ZMIZ1: variants seen among roughly 807,000 people sequenced by gnomAD.
ZMIZ1 encodes the protein zinc finger MIZ-type containing 1.
Under a neutral mutation model 113.9 loss-of-function variants are expected in ZMIZ1, and 17 were observed. The observed-to-expected ratio is 0.15, with a 90% CI of 0.10 to 0.22. The LOEUF is 0.22. ZMIZ1 is among the 10% of genes least tolerant of loss of function. The probability of loss-of-function intolerance (pLI) is 1.00; values close to 1 mark genes in which losing one functional copy is unlikely to be tolerated. For synonymous variants in ZMIZ1, 607 were observed against 603.1 expected (o/e 1.01, Z -0.09); for missense variants, 1,059 against 1,477.8 (o/e 0.72, Z 4.65).
chr10:79,243,758 G>A (rs1396177065), intron 7 of ZMIZ1: 3 of 246,574 alleles, frequency 1.2e-5, no homozygotes, highest in East Asian at 1.8e-4. Context: ...GGGTCGGAGG[G>A]GTCGGCGCCT....
intron 4 of ZMIZ1, among the ~76,000 whole-genome samples, chr10:79,180,039 C>T (rs1847049132): frequency 6.6e-6 from 1 of 152,254 alleles, no homozygotes; most frequent in Admixed American, 6.5e-5. Flanking sequence ...TGTCCCCTTC[C>T]TGCAGGGTGC....
intron 7 of ZMIZ1, among the ~76,000 whole-genome samples, chr10:79,222,983 G>A (rs1213402117): frequency 6.6e-6 from 1 of 152,168 alleles, no homozygotes; most frequent in Non-Finnish European, 1.5e-5. Flanking sequence ...GCTCTCACCT[G>A]GCTGAATGGT....
At position 79,300,839 on chromosome 10, in the gene ZMIZ1, T is replaced by C. The variant is rs1328990993; in HGVS notation, c.1916T>C (p.Ile639Thr). The change falls in exon 17 of 25, where the codon ATT (isoleucine) becomes ACT (threonine). Residue 639 changes from isoleucine (I) to threonine (T), a missense_variant. Physicochemically the swap from Ile to Thr is moderately conservative, Grantham distance 89. Coordinates refer to ENST00000334512, the MANE Select transcript of ZMIZ1 (RefSeq NM_020338.4). ...QVSVNATPLT[I>T]ERGDNKTSHK... is the part of the protein sequence containing the mutation. Reference sequence around the variant, plus strand: ...AGCGTGAACGCCACGCCCCTCACCATTGAGCGCGGCGACAACAAGACCTCC... The same window carrying C: ...AGCGTGAACGCCACGCCCCTCACCACTGAGCGCGGCGACAACAAGACCTCC... 1.9e-6 allele frequency: 3 copies of C among 1,613,662 alleles called. No individual in the cohort carries two copies. Among genetic ancestry groups the C allele is most frequent in the African/African-American group, 1.3e-5 (1 of 74,894 alleles).
intron 7 of ZMIZ1, among the ~76,000 whole-genome samples, chr10:79,247,830 T>C (rs1026297455): frequency 2.3e-4 from 35 of 152,186 alleles, no homozygotes; most frequent in Non-Finnish European, 1.2e-4. Flanking sequence ...CCCAGATAAT[T>C]CTGATGCTAT....
At chr10:79,124,207 T>C (rs1243403194) in intron 2 of ZMIZ1, among the ~76,000 whole-genome samples, 1 of 152,226 alleles carries the variant, frequency 6.6e-6, no homozygotes. Context: ...GACAAGTTGC[T>C]GCCCCTCTCT....
At chr10:79,096,972 C>T in intron 1 of ZMIZ1, among the ~76,000 whole-genome samples, 1 of 152,198 alleles carries the variant, frequency 6.6e-6, no homozygotes. Flanking sequence ...AAAGAGAGCA[C>T]ACAGGCAGAG....
In ZMIZ1 at chr10:79,310,910, C is replaced by T. The variant is rs1412527552; in HGVS notation, c.2836-14C>T. 1 of 1,610,378 alleles carries T rather than the reference C, an allele frequency of 6.2e-7. No individual in the cohort carries two copies. Among genetic ancestry groups the T allele is most frequent in the Non-Finnish European group, 8.5e-7 (1 of 1,177,422 alleles). Reference sequence around the variant, plus strand: ...CCTCACCTCTCTTCTCTCCCGCTCTCTCCTCCTCCACAGATGCCACACGCT... The same window carrying T: ...CCTCACCTCTCTTCTCTCCCGCTCTTTCCTCCTCCACAGATGCCACACGCT... On this transcript the variant is annotated splice_polypyrimidine_tract_variant and intron_variant, in intron 23 of 24. Coordinates refer to ENST00000334512, the MANE Select transcript of ZMIZ1 (RefSeq NM_020338.4).
intron 1 of ZMIZ1, among the ~76,000 whole-genome samples, chr10:79,097,736 G>C (rs1843219761): frequency 6.6e-6 from 1 of 152,146 alleles, no homozygotes; most frequent in South Asian, 2.1e-4. Flanking sequence ...GTGGCGCAGT[G>C]AAGTTTTTAT....
chr10:79,069,004 C>T lies in ZMIZ1; in HGVS notation c.-603C>T, dbSNP rs2132133261. 6.6e-6 allele frequency: 1 copy of T among 151,912 alleles called. No homozygotes were observed. Among genetic ancestry groups the T allele is most frequent in the East Asian group, 1.9e-4 (1 of 5,254 alleles). The allele number at this position is 151,912 out of a possible 1,614,324, so 9.4% of individuals were successfully genotyped here. A position where few individuals can be genotyped will look rare whatever the true frequency, so the allele number is the denominator to read the frequency against. On this transcript the variant is annotated 5_prime_UTR_variant, in exon 1 of 25. Transcript: ENST00000334512. The surrounding 1 kb of genome is among the most constrained non-coding windows in gnomAD (Gnocchi z 4.6). ...CTAACGCCGAGTTCCTTTTCACTGT[C>T]TGTGGACATTAAAAAAGCGAGCGGC...
At chr10:79,252,240 C>G (rs1589492811) in intron 7 of ZMIZ1, among the ~76,000 whole-genome samples, 2 of 152,148 alleles carry the variant, frequency 1.3e-5, no homozygotes, top group Non-Finnish European at 2.9e-5. Flanking sequence ...TTAAGCCTTC[C>G]CAGCATCAGG....
At chr10:79,290,797 C>T in intron 9 of ZMIZ1, 162 bp from the exon 10 acceptor site, 2 of 831,232 alleles carry the variant, frequency 2.4e-6, no homozygotes, top group Non-Finnish European at 4.0e-6. Context: ...CTCCTTATCA[C>T]CGGTACACTC....
intron 1 of ZMIZ1, among the ~76,000 whole-genome samples, chr10:79,116,130 G>A (rs1408078662): frequency 2.6e-5 from 4 of 151,850 alleles, no homozygotes; most frequent in East Asian, 3.9e-4. Flanking sequence ...CTGCACCCCC[G>A]GATTCAGCCC....
chr10:79,188,873 A>T (rs370770548), intron 4 of ZMIZ1, among the ~76,000 whole-genome samples: 1 of 152,220 alleles, frequency 6.6e-6, no homozygotes, highest in African/African-American at 2.4e-5. Context: ...GCGTGCTTTC[A>T]TGATCTCCCA....
At chr10:79,126,346 G>C (rs1314179605) in intron 2 of ZMIZ1, among the ~76,000 whole-genome samples, 1 of 152,188 alleles carries the variant, frequency 6.6e-6, no homozygotes, top group African/African-American at 2.4e-5. Context: ...AGAGTGTCCA[G>C]CAGGCTCAAC....
chr10:79,288,601 G>T (rs554514636), intron 8 of ZMIZ1, among the ~76,000 whole-genome samples: 2 of 152,282 alleles, frequency 1.3e-5, no homozygotes, highest in African/African-American at 4.8e-5. Context: ...TTGCTTTTCT[G>T]CTCTTCCTGG....
rs74731598 is a variant in ZMIZ1 at position 79,251,484 on chromosome 10, T to C, written c.281-25697T>C. The stretch of plus-strand genomic sequence containing the variant: ...GCTCCCCAGCTTTGGGGCCTCTTTA[T>C]TGTCCATTGCAGCCCAGCCTATCCA... On this transcript the variant is annotated intron_variant, in intron 7 of 24. Transcript: ENST00000334512. Among the ~76,000 whole-genome samples, 860 of 152,194 alleles carry C rather than the reference T, an allele frequency of 5.7e-3. 6 individuals are homozygous for C. The highest frequency in any genetic ancestry group is 0.02 in the African/African-American group (825 of 41,530).
At chr10:79,112,316 G>A (rs1167219194) in intron 1 of ZMIZ1, among the ~76,000 whole-genome samples, 14 of 152,208 alleles carry the variant, frequency 9.2e-5, no homozygotes, top group Non-Finnish European at 4.4e-5. Flanking sequence ...TCCTGCACCT[G>A]TGTGGAGGCT....
chr10:79,097,110 C>A (rs1206336034), intron 1 of ZMIZ1, among the ~76,000 whole-genome samples: 2 of 152,206 alleles, frequency 1.3e-5, no homozygotes, highest in Non-Finnish European at 2.9e-5. Context: ...GCCCCCGGGT[C>A]GCCAGCAGTG....
intron 23 of ZMIZ1, among the ~76,000 whole-genome samples, chr10:79,307,868 C>A (rs1854835297): frequency 6.6e-6 from 1 of 152,142 alleles, no homozygotes; most frequent in South Asian, 2.1e-4. Flanking sequence ...CACTACCCAG[C>A]ACACGCCATC....
Sources: allele counts gnomAD v4.1 joint callset (sites outside exome capture counted in the v4.1 genomes callset), GRCh38; gene constraint gnomAD v4.1.1; non-coding constraint Gnocchi (gnomAD v3.1); transcripts MANE v1.5; gene names NCBI Gene and HGNC (gene_info 2026-07-23, HGNC 2026-07-21).